PKM: variants seen among roughly 807,000 people sequenced by gnomAD.
PKM encodes pyruvate kinase PKM.
In PKM, 18 loss-of-function variants were observed where a neutral mutation model predicts 49.8. The ratio of observed to expected loss-of-function variants is 0.36; its 90% CI spans 0.25 to 0.54. The LOEUF is 0.54. Ranked by LOEUF, PKM falls within the 20% of genes least tolerant of loss-of-function variation. The probability of loss-of-function intolerance (pLI) is 0.89; values close to 1 mark genes in which losing one functional copy is unlikely to be tolerated. For synonymous variants in PKM, 239 were observed against 261.8 expected, an observed-to-expected ratio of 0.91 and a Z score of 0.84; for missense variants, 508 against 713.8, an observed-to-expected ratio of 0.71 and a Z score of 3.28.
intron 8 of PKM, among the ~76,000 whole-genome samples, chr15:72,204,946 G>A (rs963703986): frequency 1.3e-5 from 2 of 152,124 alleles, no homozygotes; most frequent in Admixed American, 6.5e-5. Flanking sequence ...AAGGTGCACC[G>A]TCTCCTGGGA....
In PKM at chr15:72,203,243, C is replaced by T. The variant is rs897952927; in HGVS notation, c.1141-623G>A. The T allele has an allele frequency of 1.3e-4, 182 of 1,444,480 alleles. No individual in the cohort carries two copies. The African/African-American group carries it at 1.6e-3, about 13-fold the overall frequency. The allele number at this position is 1,444,480 out of a possible 1,614,324, so 89.5% of individuals were successfully genotyped here. A position where few individuals can be genotyped will look rare whatever the true frequency, so the allele number is the denominator to read the frequency against. On this transcript the variant is annotated intron_variant, in intron 8 of 10. Transcript: ENST00000335181. ...GAAGAGGGAAGGAGGAGGAAAAAAA[C>T]GAGACACAACACATGGGAAGACAGA...
rs569494724 is a variant in PKM, at chr15:72,202,762, A to C, written c.1141-142T>G. 1 of 773,162 alleles carries C rather than the reference A, an allele frequency of 1.3e-6. No individual in the cohort carries two copies. Among genetic ancestry groups the C allele is most frequent in the Admixed American group, 2.1e-5 (1 of 46,774 alleles). The allele number at this position is 773,162 out of a possible 1,614,324, so 47.9% of individuals were successfully genotyped here. A position where few individuals can be genotyped will look rare whatever the true frequency, so the allele number is the denominator to read the frequency against. On this transcript the variant is annotated intron_variant, in intron 8 of 10. Transcript: ENST00000335181. The surrounding 1 kb of genome is among the most constrained non-coding windows in gnomAD (Gnocchi z 4.5). ...TGGGAACAAAGGCCAAGAGGAGCCC[A>C]ATCACTGGAGATTCTGAGCTGAGCC...
intron 8 of PKM, chr15:72,206,522 G>C (rs2082082176): frequency 3.4e-6 from 2 of 589,628 alleles, no homozygotes; most frequent in East Asian, 2.8e-5. Flanking sequence ...AAATGGAGGG[G>C]TGGGGGTGTG....
At chr15:72,199,801 C>T (rs576211746) in intron 10 of PKM, 45 bp from the exon 11 acceptor site, 6 of 1,365,708 alleles carry the variant, frequency 4.4e-6, no homozygotes. Flanking sequence ...CCAAGCCAGG[C>T]AGGTTTGCAC....
At chr15:72,203,633 T>C (rs570091811) in intron 8 of PKM, 3 of 232,960 alleles carry the variant, frequency 1.3e-5, no homozygotes, top group Non-Finnish European at 2.6e-5. Flanking sequence ...CATGCATGCA[T>C]GGAGTGAGCG....
rs1428996660 is a variant in PKM at position 72,202,726 on chromosome 15, G to C, written c.1141-106C>G. On this transcript the variant is annotated intron_variant, in intron 8 of 10. Transcript: ENST00000335181. This position sits in a 1 kb window ranked among gnomAD's most constrained non-coding sequence, Gnocchi z 4.5. Reference sequence around the variant, plus strand: ...GAAGAGTCACCGGACAGCTGGTGAGGAACATGTTCCTGGGAACAAAGGCCA... The same window carrying C: ...GAAGAGTCACCGGACAGCTGGTGAGCAACATGTTCCTGGGAACAAAGGCCA... 5.9e-6 allele frequency: 6 copies of C among 1,017,530 alleles called. No homozygotes were observed. In the East Asian group the frequency reaches 1.3e-4, roughly 22 times the overall value. The allele number at this position is 1,017,530 out of a possible 1,614,324, so 63.0% of individuals were successfully genotyped here. A position where few individuals can be genotyped will look rare whatever the true frequency, so the allele number is the denominator to read the frequency against.
intron 1 of PKM, among the ~76,000 whole-genome samples, chr15:72,226,524 C>T (rs1271861437): frequency 2.6e-5 from 4 of 151,798 alleles, no homozygotes; most frequent in South Asian, 2.1e-4. Context: ...TGCGAGACTC[C>T]GTCTCAAAAA....
At chr15:72,219,266 C>T in intron 1 of PKM, 156 bp from the exon 2 acceptor site, 1 of 654,094 alleles carries the variant, frequency 1.5e-6, no homozygotes, top group Non-Finnish European at 2.6e-6. Context: ...TATGTGGGTG[C>T]TCCTCATGTT....
intron 1 of PKM, among the ~76,000 whole-genome samples, chr15:72,228,376 C>CTT (rs10656443): frequency 0.05 from 5,978 of 118,792 alleles, 378 homozygotes; most frequent in African/African-American, 0.082. Context: ...TTAGTTGTGG[C>CTT]TTTTTTTTTT....
In PKM at chr15:72,210,232, C is replaced by G. The variant is rs547134392; in HGVS notation, c.378+115G>C. 22 of 1,057,224 alleles carry G rather than the reference C, an allele frequency of 2.1e-5. No individual in the cohort carries two copies. In the East Asian group the frequency reaches 5.2e-4, roughly 25 times the overall value. 65.5% of individuals were successfully genotyped at this position (1,057,224 alleles called of 1,614,324 possible). On this transcript the variant is annotated intron_variant, in intron 4 of 10. Coordinates refer to ENST00000335181, the MANE Select transcript of PKM (RefSeq NM_002654.6). ...AATCCTCATTTGTAGACCTCAACTC[C>G]TCTGCAGTCCTTCATAGTACTGGGA...
At chr15:72,203,642 C>A in intron 8 of PKM, 1 of 201,402 alleles carries the variant, frequency 5.0e-6, no homozygotes. Flanking sequence ...ATGGAGTGAG[C>A]GCTCACTTGG....
chr15:72,208,941 A>G (rs1341643765), intron 5 of PKM, 50 bp from the exon 6 acceptor site: 2 of 1,579,988 alleles, frequency 1.3e-6, no homozygotes, highest in South Asian at 2.3e-5. Context: ...GGCACAGGTC[A>G]ACAGGAAGCA....
At chr15:72,215,442 G>T (rs2082356234) in intron 3 of PKM, among the ~76,000 whole-genome samples, 2 of 152,128 alleles carry the variant, frequency 1.3e-5, no homozygotes, top group South Asian at 4.1e-4. Flanking sequence ...CAGTTTCCAA[G>T]CTGAGCCCAC....
chr15:72,202,178 T>G lies in PKM; in HGVS notation c.1307+276A>C. On this transcript the variant is annotated intron_variant, in intron 9 of 10. Coordinates refer to ENST00000335181, the MANE Select transcript of PKM (RefSeq NM_002654.6). The surrounding 1 kb of genome is among the most constrained non-coding windows in gnomAD (Gnocchi z 4.5). ...CTAAATTTTCAATATCAAATAACCATTTGTAGTCAGCCTGTGCACTGTTAT... is the reference window on the plus strand; with the variant it reads ...CTAAATTTTCAATATCAAATAACCAGTTGTAGTCAGCCTGTGCACTGTTAT... 4 of 495,242 alleles carry G rather than the reference T, an allele frequency of 8.1e-6. No individual in the cohort carries two copies. The highest frequency in any genetic ancestry group is 3.6e-5 in the East Asian group (1 of 27,456). The allele number at this position is 495,242 out of a possible 1,614,324, so 30.7% of individuals were successfully genotyped here.
chr15:72,203,039 A>T, intron 8 of PKM: 1 of 1,614,200 alleles, frequency 6.2e-7, no homozygotes, highest in Non-Finnish European at 8.5e-7. Context: ...ACTCCGTCAG[A>T]ACTATCAAAG....
In PKM at chr15:72,219,085, G is replaced by C; in HGVS notation, c.13C>G (p.His5Asp). ...ATGAAGGCAGTCCCGGCTTCACTAT[G>C]GGGCTTCGACATGGCTGCTGAGGTC... MSKP[H>D]SEAGTAFIQT... The change falls in exon 2 of 11, where the codon CAT becomes GAT. Residue 5 changes from histidine (H) to aspartate (D), a missense_variant. His to Asp is a moderately conservative substitution (Grantham distance 81, BLOSUM62 -1). Coordinates refer to ENST00000335181, the MANE Select transcript of PKM (RefSeq NM_002654.6). 6.2e-7 allele frequency: 1 copy of C among 1,613,938 alleles called. No homozygotes were observed. Among genetic ancestry groups the C allele is most frequent in the Non-Finnish European group, 8.5e-7 (1 of 1,179,814 alleles).
At chr15:72,213,935 C>G (rs2082316838) in intron 3 of PKM, among the ~76,000 whole-genome samples, 2 of 152,200 alleles carry the variant, frequency 1.3e-5, no homozygotes, top group South Asian at 4.1e-4. Flanking sequence ...CATTCTTCAC[C>G]TGGCTTCTCA....
At chr15:72,229,611 G>A (rs887150123) in intron 1 of PKM, 2 of 1,278,200 alleles carry the variant, frequency 1.6e-6, no homozygotes, top group Non-Finnish European at 1.0e-6. Context: ...AATCCAGTGT[G>A]CTTGCCACCT....
intron 3 of PKM, among the ~76,000 whole-genome samples, chr15:72,215,330 G>A (rs529334205): frequency 1.3e-5 from 2 of 152,096 alleles, no homozygotes; most frequent in African/African-American, 2.4e-5. Context: ...GGAAAAGTAC[G>A]CCCCAGCCCC....
Sources: allele counts gnomAD v4.1 joint callset (sites outside exome capture counted in the v4.1 genomes callset), GRCh38; gene constraint gnomAD v4.1.1; non-coding constraint Gnocchi (gnomAD v3.1); transcripts MANE v1.5; gene names NCBI Gene and HGNC (gene_info 2026-07-23, HGNC 2026-07-21).